UNC80: variants seen among roughly 807,000 people sequenced by gnomAD.
The protein encoded by UNC80 is protein unc-80 homolog.
In UNC80, 164 loss-of-function variants were observed where a neutral mutation model predicts 384.6. The ratio of observed to expected loss-of-function variants is 0.43; its 90% CI spans 0.38 to 0.49. UNC80 has a LOEUF of 0.49. Among genes scored for constraint, UNC80 ranks in the 20% least tolerant of loss-of-function variants. The pLI is 0.00. For missense variants in UNC80, 3,330 were observed against 4,143.0 expected (o/e 0.80, Z 5.39); for synonymous variants, 1,486 against 1,527.8 (o/e 0.97, Z 0.64).
Position 209,941,404 on chromosome 2 carries a change from C to G in UNC80, c.6830C>G (p.Ala2277Gly). 3 of 1,550,984 alleles carry G rather than the reference C, an allele frequency of 1.9e-6. No individual in the cohort carries two copies. The highest frequency in any genetic ancestry group is 4.9e-5 in the East Asian group (2 of 40,884). ...PEDSALLRQY[A>G]ATVINTAVHF... Reference sequence around the variant, plus strand: ...GACAGTGCCCTGCTCAGGCAGTATGCTGCCACCGTCATCAACACCGCGGTG... The same window carrying G: ...GACAGTGCCCTGCTCAGGCAGTATGGTGCCACCGTCATCAACACCGCGGTG... The change falls in exon 44 of 65, where the codon GCT becomes GGT. Residue 2277 changes from alanine to glycine, a missense_variant. Ala to Gly is a moderately conservative substitution (Grantham distance 60). This residue lies in a region of UNC80 where 1,049 missense variants were observed against 1,488.6 expected (regional missense o/e 0.70). Transcript: ENST00000673920.
At chr2:209,982,156 C>T (rs1298666248) in intron 59 of UNC80, 23 bp from the exon 60 acceptor site, 1 of 1,548,224 alleles carries the variant, frequency 6.5e-7, no homozygotes, top group Non-Finnish European at 8.7e-7. Flanking sequence ...TTTTGTAACA[C>T]TCTATTCCTT....
intron 53 of UNC80, 48 bp downstream of exon 53, chr2:209,969,939 T>G: frequency 6.5e-7 from 1 of 1,542,168 alleles, no homozygotes; most frequent in Non-Finnish European, 8.8e-7. Flanking sequence ...AATGTAACTC[T>G]GCTATTGACT....
At chr2:209,981,542 A>G (rs7371108) in intron 59 of UNC80, among the ~76,000 whole-genome samples, 146,058 of 152,346 alleles carry the variant, frequency 0.96, 70,330 homozygotes, top group Middle Eastern at 1. Flanking sequence ...GCGCCAATGC[A>G]CTCCAGCCTG....
chr2:209,777,660 C>A, intron 4 of UNC80, 101 bp downstream of exon 4: 1 of 1,295,480 alleles, frequency 7.7e-7, no homozygotes, highest in Non-Finnish European at 1.1e-6. Flanking sequence ...CTTTGTATGA[C>A]CTTACAGCAA....
chr2:209,927,420 T>A (rs1026539951), intron 36 of UNC80, among the ~76,000 whole-genome samples: 3 of 152,196 alleles, frequency 2.0e-5, no homozygotes, highest in Non-Finnish European at 4.4e-5. Flanking sequence ...TGAGTAACAT[T>A]TGTGACAGAC....
At chr2:209,814,472 T>G (rs974192027) in intron 8 of UNC80, among the ~76,000 whole-genome samples, 2 of 152,156 alleles carry the variant, frequency 1.3e-5, no homozygotes, top group African/African-American at 4.8e-5. Context: ...TGTCTCGATC[T>G]CCTGACCTCG....
chr2:209,799,220 T>C (rs1296321683), intron 7 of UNC80, among the ~76,000 whole-genome samples: 5 of 152,108 alleles, frequency 3.3e-5, no homozygotes, highest in Non-Finnish European at 7.4e-5. Context: ...TGGAATGTTT[T>C]TCCATTTGTT....
chr2:209,901,457 CA>C (rs1267573637), intron 28 of UNC80, among the ~76,000 whole-genome samples: 5 of 151,112 alleles, frequency 3.3e-5, no homozygotes, highest in Admixed American at 1.3e-4. Context: ...GGAAAAAAAA[CA>C]AAAAAAAATT....
intron 38 of UNC80, among the ~76,000 whole-genome samples, chr2:209,932,495 C>T (rs527243292): frequency 1.3e-5 from 2 of 152,284 alleles, no homozygotes; most frequent in African/African-American, 2.4e-5. Flanking sequence ...GTGTTTCTTT[C>T]GCTTGCCTGT....
rs1042298722 is a variant in UNC80 at position 209,839,514 on chromosome 2, G to A, written c.3250+84G>A. On this transcript the variant is annotated intron_variant, in intron 19 of 64. Coordinates refer to ENST00000673920, the MANE Select transcript of UNC80 (RefSeq NM_001371986.1). This position sits in a 1 kb window ranked among gnomAD's most constrained non-coding sequence, Gnocchi z 4.1. ...CAACTCAGTGATGCATAGTAGGGCCGAAAAAGAAGACCTTCAAGTCATAAG... is the reference window on the plus strand; with the variant it reads ...CAACTCAGTGATGCATAGTAGGGCCAAAAAAGAAGACCTTCAAGTCATAAG... 4 of 1,364,668 alleles carry A rather than the reference G, an allele frequency of 2.9e-6. No homozygotes were observed. The highest frequency in any genetic ancestry group is 2.0e-4 in the Middle Eastern group (1 of 5,026). 84.5% of individuals were successfully genotyped at this position (1,364,668 alleles called of 1,614,324 possible). A position where few individuals can be genotyped will look rare whatever the true frequency, so the allele number is the denominator to read the frequency against.
At chr2:209,817,991 T>A in intron 11 of UNC80, 39 bp downstream of exon 11, 1 of 1,548,502 alleles carries the variant, frequency 6.5e-7, no homozygotes, top group South Asian at 1.2e-5. Flanking sequence ...GAGTTCAGAG[T>A]TCTTTTTTTG....
intron 5 of UNC80, 116 bp from the exon 6 acceptor site, chr2:209,789,415 CT>C: frequency 1.4e-6 from 1 of 700,718 alleles, no homozygotes; most frequent in Non-Finnish European, 2.4e-6. Context: ...TTAATGTCTT[CT>C]TTTAAAGTAA....
intron 4 of UNC80, among the ~76,000 whole-genome samples, chr2:209,785,676 G>A (rs2077384050): frequency 6.6e-6 from 1 of 152,198 alleles, no homozygotes; most frequent in South Asian, 2.1e-4. Flanking sequence ...TTTGCCTTAT[G>A]AGGGAGAATA....
intron 7 of UNC80, 50 bp downstream of exon 7, chr2:209,793,909 T>C (rs372554920): frequency 6.2e-7 from 1 of 1,605,702 alleles, no homozygotes; most frequent in Non-Finnish European, 8.5e-7. Flanking sequence ...TCACCAAAAA[T>C]CAAATATGCA....
At chr2:209,893,250 C>G (rs893705091) in intron 26 of UNC80, among the ~76,000 whole-genome samples, 1 of 152,010 alleles carries the variant, frequency 6.6e-6, no homozygotes, top group Non-Finnish European at 1.5e-5. Flanking sequence ...TAAAATTGGC[C>G]CCTTCCTGGT....
chr2:209,863,644 T>G (rs2083496996), intron 22 of UNC80, among the ~76,000 whole-genome samples: 1 of 151,952 alleles, frequency 6.6e-6, no homozygotes, highest in Non-Finnish European at 1.5e-5. Flanking sequence ...GATACTTGTG[T>G]GTGCTTCACG....
intron 4 of UNC80, among the ~76,000 whole-genome samples, chr2:209,781,390 T>C (rs2077148567): frequency 6.6e-6 from 1 of 152,224 alleles, no homozygotes; most frequent in African/African-American, 2.4e-5. Flanking sequence ...TCTACAAAAC[T>C]ACACTGTTTT....
Position 209,786,195 on chromosome 2 carries a change from T to G in UNC80, c.724+6T>G, listed in dbSNP as rs201376710. On this transcript the variant is annotated splice_donor_region_variant and intron_variant, in intron 5 of 64. Coordinates refer to ENST00000673920, the MANE Select transcript of UNC80 (RefSeq NM_001371986.1). ...CATCAGGAACATCATTACAGGTTTGTAACTTGGACACTCAGTAGGACAGTA... is the reference window on the plus strand; with the variant it reads ...CATCAGGAACATCATTACAGGTTTGGAACTTGGACACTCAGTAGGACAGTA... 101 of 1,613,238 alleles carry G rather than the reference T, an allele frequency of 6.3e-5. No homozygotes were observed. Among genetic ancestry groups the G allele is most frequent in the Middle Eastern group, 1.6e-4 (1 of 6,082 alleles).
chr2:209,844,476 TTTCCTTCCTTCCTTCCTTCCTTCC>T (rs1163831109), intron 21 of UNC80, among the ~76,000 whole-genome samples: 228 of 69,110 alleles, frequency 3.3e-3, no homozygotes, highest in South Asian at 5.3e-3. Context: ...TCTTTCTTTC[TTTCCTTCCTTCCTTCCTTCCTTCC>T]TTCCTTCCTT....
Sources: allele counts gnomAD v4.1 joint callset (sites outside exome capture counted in the v4.1 genomes callset), GRCh38; gene constraint gnomAD v4.1.1; regional missense constraint gnomAD v4.1.1; non-coding constraint Gnocchi (gnomAD v3.1); transcripts MANE v1.5; gene names NCBI Gene and HGNC (gene_info 2026-07-23, HGNC 2026-07-21).